Variants in ACOT7 observed in about 807,000 individuals in gnomAD.
The protein encoded by ACOT7 is acyl-CoA thioesterase 7, also known as cytosolic acyl coenzyme A thioester hydrolase.
In ACOT7, 12 loss-of-function variants were observed where a neutral mutation model predicts 40.2. That is an observed-to-expected ratio of 0.30 (90% CI 0.19 to 0.48). The LOEUF (loss-of-function observed/expected upper bound fraction) is 0.48, where lower values mean the gene tolerates loss of function less well. Ranked by LOEUF, ACOT7 falls within the 20% of genes least tolerant of loss-of-function variation. The pLI, the probability that ACOT7 is intolerant of heterozygous loss-of-function variation, is 0.99. For missense variants in ACOT7, 395 were observed against 530.8 expected, an observed-to-expected ratio of 0.74 and a Z score of 2.51; for synonymous variants, 228 against 219.5, an observed-to-expected ratio of 1.04 and a Z score of -0.34.
At chr1:6,362,616 C>T (rs143645011) in intron 1 of ACOT7, among the ~76,000 whole-genome samples, 6 of 152,180 alleles carry the variant, frequency 3.9e-5, no homozygotes, top group East Asian at 1.9e-4. Context: ...AGGAGAACTC[C>T]GCAACGACAT....
In ACOT7 at chr1:6,288,426, C is replaced by T. The variant is rs1457884567; in HGVS notation, c.829+6438G>A. ...GTAGGTGCTTGGCCGGGCTAGTTGG[C>T]GCAAAGGTGTAAGGGGACAGCTATG... On this transcript the variant is annotated intron_variant, in intron 7 of 8. Transcript: ENST00000361521. The surrounding 1 kb of genome is among the most constrained non-coding windows in gnomAD (Gnocchi z 4.3). Among the ~76,000 whole-genome samples, 2 of 152,210 alleles carry T rather than the reference C, an allele frequency of 1.3e-5. No homozygotes were observed. Among genetic ancestry groups the T allele is most frequent in the African/African-American group, 2.4e-5 (1 of 41,460 alleles).
intron 1 of ACOT7, chr1:6,360,674 G>A (rs371921809): frequency 2.7e-5 from 43 of 1,614,028 alleles, no homozygotes; most frequent in African/African-American, 5.3e-5. Context: ...GTCTCCTGTC[G>A]GCTCCCTCCA....
chr1:6,377,895 C>T (rs1642263243), intron 1 of ACOT7, among the ~76,000 whole-genome samples: 1 of 152,028 alleles, frequency 6.6e-6, no homozygotes, highest in Non-Finnish European at 1.5e-5. Context: ...ATGGTGAAAC[C>T]CCGTCTCTAC....
At chr1:6,331,281 T>C (rs745817715) in intron 4 of ACOT7, among the ~76,000 whole-genome samples, 11 of 152,196 alleles carry the variant, frequency 7.2e-5, no homozygotes, top group Non-Finnish European at 1.6e-4. Flanking sequence ...TTTGTAGTTG[T>C]AAACAGTTAG....
intron 8 of ACOT7, among the ~76,000 whole-genome samples, chr1:6,276,673 G>A (rs542147154): frequency 1.1e-4 from 16 of 152,190 alleles, no homozygotes; most frequent in Non-Finnish European, 1.8e-4. Context: ...TTCACCGCAC[G>A]GAGCACACAC....
rs372177535 is a variant in ACOT7 at position 6,274,952 on chromosome 1, G to A, written c.1014+6150C>T. Among the ~76,000 whole-genome samples the A allele has an allele frequency of 5.1e-4, 78 of 152,336 alleles. 1 individual carries two copies. In the South Asian group the frequency reaches 0.016, roughly 31 times the overall value. ...GGCTGGGAGAAAGCACAGTGGCATC[G>A]ATGACAGCAGTGAGCGGCCCCCTTT... is the stretch of plus-strand genomic sequence containing the variant. On this transcript the variant is annotated intron_variant, in intron 8 of 8. Transcript: ENST00000361521. This position sits in a 1 kb window ranked among gnomAD's most constrained non-coding sequence, Gnocchi z 5.9.
chr1:6,357,280 TG>T (rs896375241), intron 1 of ACOT7, among the ~76,000 whole-genome samples: 1 of 150,632 alleles, frequency 6.6e-6, no homozygotes, highest in African/African-American at 2.4e-5. Context: ...CATTACTACG[TG>T]AAACCCAGGG....
intron 1 of ACOT7, among the ~76,000 whole-genome samples, chr1:6,369,398 CTT>C (rs60404741): frequency 1.1e-4 from 11 of 100,888 alleles, no homozygotes; most frequent in African/African-American, 3.4e-4. Context: ...AAATGCATTT[CTT>C]TTTTTTTTTT....
At chr1:6,272,766 C>T (rs1192456680) in intron 8 of ACOT7, among the ~76,000 whole-genome samples, 1 of 152,242 alleles carries the variant, frequency 6.6e-6, no homozygotes, top group African/African-American at 2.4e-5. Context: ...ATGGCCAGGA[C>T]CTCACATGGG....
intron 1 of ACOT7, chr1:6,385,704 G>T: frequency 6.3e-7 from 1 of 1,595,078 alleles, no homozygotes. Context: ...CCAGTGACAA[G>T]TATGATGCCC....
intron 1 of ACOT7, among the ~76,000 whole-genome samples, chr1:6,367,794 A>T (rs1444911028): frequency 6.6e-6 from 1 of 152,224 alleles, no homozygotes; most frequent in African/African-American, 2.4e-5. Flanking sequence ...GGCATGTTTC[A>T]GCCCTGTTTG....
intron 8 of ACOT7, among the ~76,000 whole-genome samples, chr1:6,271,891 A>G (rs1021019397): frequency 3.3e-5 from 5 of 152,256 alleles, no homozygotes; most frequent in Non-Finnish European, 7.3e-5. Context: ...AGGCAGGGAG[A>G]TCGTCACCAC....
chr1:6,308,792 A>AGGAAAAGCAACTGGGCGGAG (rs1640246017), intron 6 of ACOT7, among the ~76,000 whole-genome samples: 2 of 134,170 alleles, frequency 1.5e-5, no homozygotes, highest in Non-Finnish European at 3.2e-5. Context: ...ACTGGATGGA[A>AGGAAAAGCAACTGGGCGGAG]GGAAAAGCGA....
chr1:6,269,018 G>C (rs1035937142), intron 8 of ACOT7, among the ~76,000 whole-genome samples: 3 of 152,216 alleles, frequency 2.0e-5, no homozygotes, highest in African/African-American at 7.2e-5. Context: ...GCGATAAGGG[G>C]ATATTCCCTG....
At chr1:6,320,226 C>T (rs1236648940) in intron 5 of ACOT7, among the ~76,000 whole-genome samples, 3 of 152,234 alleles carry the variant, frequency 2.0e-5, no homozygotes, top group Non-Finnish European at 4.4e-5. Flanking sequence ...TCACATAGGA[C>T]GGGATCCGAA....
At chr1:6,346,522 G>A (rs1641427135) in intron 2 of ACOT7, among the ~76,000 whole-genome samples, 1 of 152,246 alleles carries the variant, frequency 6.6e-6, no homozygotes, top group African/African-American at 2.4e-5. Context: ...GGAGAGTTGA[G>A]AAAGAGATGT....
At position 6,273,761 on chromosome 1, in the gene ACOT7, C is replaced by T. The variant is rs3789510; in HGVS notation, c.1014+7341G>A. Among the ~76,000 whole-genome samples the T allele has an allele frequency of 6.8e-3, 1,030 of 152,388 alleles. 8 individuals are homozygous for T. The highest frequency in any genetic ancestry group is 0.031 in the East Asian group (162 of 5,190). Reference sequence around the variant, plus strand: ...CGCACACGGGCGCAGCGGTGCCCATCCCAGGGCGAGTGCAGAGGCTGCGCG... The same window carrying T: ...CGCACACGGGCGCAGCGGTGCCCATTCCAGGGCGAGTGCAGAGGCTGCGCG... On this transcript the variant is annotated intron_variant, in intron 8 of 8. Coordinates refer to ENST00000361521, the MANE Select transcript of ACOT7 (RefSeq NM_007274.4).
chr1:6,368,674 G>GTA (rs1477685175), intron 1 of ACOT7, among the ~76,000 whole-genome samples: 1 of 152,198 alleles, frequency 6.6e-6, no homozygotes, highest in African/African-American at 2.4e-5. Context: ...GTGAGAGCGG[G>GTA]TAAGAGCTCT....
At chr1:6,297,481 A>C (rs1639841139) in intron 6 of ACOT7, among the ~76,000 whole-genome samples, 1 of 152,228 alleles carries the variant, frequency 6.6e-6, no homozygotes. Context: ...TGGAAAGAGC[A>C]GAATTAGTGG....
Sources: gnomAD v4.1 joint callset for allele counts (sites outside exome capture counted in the v4.1 genomes callset) on GRCh38, gnomAD v4.1.1 for gene constraint, Gnocchi (gnomAD v3.1) non-coding constraint, MANE v1.5 for transcripts, NCBI Gene and HGNC (gene_info 2026-07-23, HGNC 2026-07-21) for gene names.